Variants in DNAJC3 observed in about 807,000 individuals in gnomAD.
The protein encoded by DNAJC3 is DnaJ heat shock protein family (Hsp40) member C3.
Under a neutral mutation model 68.6 loss-of-function variants are expected in DNAJC3, and 38 were observed. The ratio of observed to expected loss-of-function variants is 0.55; its 90% CI spans 0.43 to 0.73. The LOEUF is 0.73. Ranked by LOEUF, DNAJC3 falls within the 30% of genes least tolerant of loss-of-function variation. The pLI is 0.00. For missense variants in DNAJC3, 526 were observed against 591.9 expected (o/e 0.89, Z 1.16); for synonymous variants, 203 against 204.0 (o/e 1.00, Z 0.04).
rs1883182234 is a variant in DNAJC3 at position 95,772,392 on chromosome 13, G to A, written c.1075+8439G>A. Reference sequence around the variant, plus strand: ...TTTAGACATATGTTTTTGTTTATCTGCAAGCAGAATTGCTGTCATAGTGTA... The same window carrying A: ...TTTAGACATATGTTTTTGTTTATCTACAAGCAGAATTGCTGTCATAGTGTA... On this transcript the variant is annotated intron_variant, in intron 9 of 11. Transcript: ENST00000602402. Among the ~76,000 whole-genome samples the A allele has an allele frequency of 1.3e-5, 2 of 152,100 alleles. 1 individual carries two copies. The highest frequency in any genetic ancestry group is 4.1e-4 in the South Asian group (2 of 4,832).
intron 4 of DNAJC3, among the ~76,000 whole-genome samples, chr13:95,747,823 G>A (rs755001467): frequency 1.1e-4 from 17 of 151,956 alleles, no homozygotes; most frequent in Admixed American, 2.6e-4. Context: ...AGATTCATTG[G>A]TTGGGGTGAT....
intron 1 of DNAJC3, among the ~76,000 whole-genome samples, chr13:95,679,199 C>G: frequency 9.2e-6 from 1 of 108,414 alleles, no homozygotes; most frequent in Non-Finnish European, 1.8e-5. Context: ...AAAATCAGCA[C>G]TTTTTTTTTT....
At chr13:95,702,109 TG>T (rs1290930497) in intron 1 of DNAJC3, among the ~76,000 whole-genome samples, 2 of 152,338 alleles carry the variant, frequency 1.3e-5, no homozygotes, top group Middle Eastern at 3.4e-3. Context: ...AACTTTTGTT[TG>T]CATGTAAAAT....
intron 1 of DNAJC3, among the ~76,000 whole-genome samples, chr13:95,706,713 C>T (rs992286006): frequency 6.6e-6 from 1 of 152,148 alleles, no homozygotes; most frequent in African/African-American, 2.4e-5. Context: ...CTCAGACGGA[C>T]TTGGGGGTTC....
At chr13:95,713,423 C>T (rs1347365920) in intron 2 of DNAJC3, among the ~76,000 whole-genome samples, 1 of 152,014 alleles carries the variant, frequency 6.6e-6, no homozygotes, top group Non-Finnish European at 1.5e-5. Context: ...AAGAAGAAAT[C>T]TAATGAAAGA....
chr13:95,789,505 A>G (rs978191768), intron 11 of DNAJC3, among the ~76,000 whole-genome samples: 5 of 152,240 alleles, frequency 3.3e-5, no homozygotes, highest in Non-Finnish European at 5.9e-5. Context: ...TTATGGCTGC[A>G]TAGTATTCCA....
At chr13:95,742,595 A>C (rs1350448633) in intron 4 of DNAJC3, 2 of 483,658 alleles carry the variant, frequency 4.1e-6, no homozygotes, top group Non-Finnish European at 8.2e-6. Context: ...TATCCCAGCC[A>C]AGCAGGCTGC....
intron 1 of DNAJC3, among the ~76,000 whole-genome samples, chr13:95,703,169 C>A (rs910660101): frequency 1.3e-5 from 2 of 152,194 alleles, no homozygotes; most frequent in Admixed American, 6.5e-5. Context: ...CAGATCAAGA[C>A]ATAACCTTGT....
At chr13:95,770,433 C>G (rs1566509731) in intron 9 of DNAJC3, among the ~76,000 whole-genome samples, 1 of 152,168 alleles carries the variant, frequency 6.6e-6, no homozygotes, top group Non-Finnish European at 1.5e-5. Context: ...TTCAACAGAA[C>G]TGCAATTATT....
Position 95,757,661 on chromosome 13 carries a change from T to G in DNAJC3, c.411T>G (p.Ser137Arg). The G allele has an allele frequency of 6.4e-7, 1 of 1,567,748 alleles. No individual in the cohort carries two copies. Among genetic ancestry groups the G allele is most frequent in the Non-Finnish European group, 8.7e-7 (1 of 1,145,094 alleles). ...DFKKVLKSNP[S>R]ENEEKEAQSQ... ...CCTTATAGCTCAAATCTAATCCAAG[T>G]GAAAATGAAGAAAAGGAAGCACAGT... The change falls in exon 5 of 12, where the codon AGT (serine) becomes AGG (arginine). Residue 137 changes from serine (S) to arginine (R), a missense_variant. Coordinates refer to ENST00000602402, the MANE Select transcript of DNAJC3 (RefSeq NM_006260.5).
chr13:95,716,865 G>A (rs866805458), intron 2 of DNAJC3, among the ~76,000 whole-genome samples: 3 of 152,114 alleles, frequency 2.0e-5, no homozygotes, highest in Non-Finnish European at 4.4e-5. Flanking sequence ...GAGTGATCTC[G>A]GAAAATGCAA....
chr13:95,786,728 A>G (rs1594031980), intron 10 of DNAJC3, among the ~76,000 whole-genome samples: 1 of 152,214 alleles, frequency 6.6e-6, no homozygotes, highest in East Asian at 1.9e-4. Context: ...AAGTTAAAAA[A>G]TTCATTGATG....
At chr13:95,699,884 G>T (rs1731840453) in intron 1 of DNAJC3, among the ~76,000 whole-genome samples, 1 of 152,048 alleles carries the variant, frequency 6.6e-6, no homozygotes, top group African/African-American at 2.4e-5. Flanking sequence ...GCCCAGACTG[G>T]AGTGCAGTGG....
rs1173216029 is a variant in DNAJC3 at position 95,760,720 on chromosome 13, G to C, written c.770G>C (p.Arg257Thr). The change falls in exon 7 of 12, where the codon AGG becomes ACG. Residue 257 changes from arginine (R) to threonine (T), a missense_variant. Physicochemically the swap from Arg to Thr is moderately conservative, Grantham distance 71. Transcript: ENST00000602402. ...CTTAAACTTGACCAGGATCATAAAA[G>C]GTGTTTTGCACACTATAAACAAGTA... Reference protein sequence around the residue: ...ECLKLDQDHKRCFAHYKQVKK... With the variant: ...ECLKLDQDHKTCFAHYKQVKK... 6.2e-7 allele frequency: 1 copy of C among 1,611,688 alleles called. No individual in the cohort carries two copies.
At chr13:95,726,326 C>T (rs930745643) in intron 4 of DNAJC3, among the ~76,000 whole-genome samples, 25 of 152,170 alleles carry the variant, frequency 1.6e-4, no homozygotes, top group African/African-American at 1.9e-4. Flanking sequence ...CCACATCCTC[C>T]CCAGCACCTG....
intron 9 of DNAJC3, among the ~76,000 whole-genome samples, chr13:95,776,210 A>C (rs1277351391): frequency 2.0e-5 from 3 of 152,170 alleles, no homozygotes; most frequent in Non-Finnish European, 1.5e-5. Flanking sequence ...AAGTGATATG[A>C]ATGCGTCTGA....
Position 95,787,025 on chromosome 13 carries a change from AATT to A in DNAJC3, c.1232_1234del (p.Ile411del). The A allele has an allele frequency of 6.2e-7, 1 of 1,608,574 alleles. No individual in the cohort carries two copies. Among genetic ancestry groups the A allele is most frequent in the South Asian group, 1.1e-5 (1 of 89,422 alleles). The stretch of plus-strand genomic sequence containing the variant: ...CCCTCAGAAATGCCAAAAAGCAAGA[AATT>A]ATTAAAGCATACCGAAAATTAGCAC... On this transcript the variant is annotated inframe_deletion, in exon 11 of 12. Coordinates refer to ENST00000602402, the MANE Select transcript of DNAJC3 (RefSeq NM_006260.5).
chr13:95,788,502 T>G lies in DNAJC3; in HGVS notation c.1357+1347T>G, dbSNP rs571018141. On this transcript the variant is annotated intron_variant, in intron 11 of 11. Coordinates refer to ENST00000602402, the MANE Select transcript of DNAJC3 (RefSeq NM_006260.5). ...ATCTTTTCTTTTAAAGACTTTAAAG[T>G]TTTTTACTATGCATATATCAAGACG... Among the ~76,000 whole-genome samples, 13 of 152,338 alleles carry G rather than the reference T, an allele frequency of 8.5e-5. No homozygotes were observed. The South Asian group carries it at 2.3e-3, about 27-fold the overall frequency.
chr13:95,792,284 T>C lies in DNAJC3; in HGVS notation c.*1254T>C, dbSNP rs1396760183. 6.6e-6 allele frequency: 1 copy of C among 152,236 alleles called. No homozygotes were observed. The highest frequency in any genetic ancestry group is 2.4e-5 in the African/African-American group (1 of 41,456). The allele number at this position is 152,236 out of a possible 1,614,324, so 9.4% of individuals were successfully genotyped here. On this transcript the variant is annotated 3_prime_UTR_variant, in exon 12 of 12. Coordinates refer to ENST00000602402, the MANE Select transcript of DNAJC3 (RefSeq NM_006260.5). Reference sequence around the variant, plus strand: ...CAGTCTTTGTATACTGAATGCTTTTTCCCTAAAAAATGTTAATCAAGAATA... The same window carrying C: ...CAGTCTTTGTATACTGAATGCTTTTCCCCTAAAAAATGTTAATCAAGAATA...
Sources: gnomAD v4.1 joint callset for allele counts (sites outside exome capture counted in the v4.1 genomes callset) on GRCh38, gnomAD v4.1.1 for gene constraint, MANE v1.5 for transcripts, NCBI Gene and HGNC (gene_info 2026-07-23, HGNC 2026-07-21) for gene names.